Variants in UPK2 observed in about 807,000 individuals in gnomAD.
The protein encoded by UPK2 is uroplakin-2.
Under a neutral mutation model 14.8 loss-of-function variants are expected in UPK2, and 19 were observed. That is an observed-to-expected ratio of 1.29 (90% CI 0.90 to 1.89). The LOEUF (loss-of-function observed/expected upper bound fraction) is 1.89. Among genes scored for constraint, UPK2 ranks in the 40% most tolerant of loss-of-function variants. UPK2 has a pLI of 0.00. For synonymous variants in UPK2, 102 were observed against 101.6 expected, an observed-to-expected ratio of 1.00 and a Z score of -0.02; for missense variants, 232 against 236.0, an observed-to-expected ratio of 0.98 and a Z score of 0.11.
intron 4 of UPK2, among the ~76,000 whole-genome samples, 180 bp downstream of exon 4, chr11:118,957,848 C>T (rs549279930): frequency 6.6e-6 from 1 of 152,342 alleles, no homozygotes; most frequent in East Asian, 1.9e-4. Context: ...CTAAAGGTTC[C>T]TCGTGGGCAG....
chr11:118,958,133 G>A lies in UPK2; in HGVS notation c.455G>A (p.Arg152His), dbSNP rs1366628202. ...GAATCCATTGGGCTGGGTATGGCCC[G>A]CACAGGGGGCATGGTGGTCATCACG... Reference protein sequence around the residue: ...NMESIGLGMARTGGMVVITVL... With the variant: ...NMESIGLGMAHTGGMVVITVL... The change falls in exon 5 of 5, where the codon CGC becomes CAC. Residue 152 changes from arginine to histidine, a missense_variant. Arg to His is a conservative substitution (Grantham distance 29). Transcript: ENST00000264031. This position sits in a 1 kb window ranked among gnomAD's most constrained non-coding sequence, Gnocchi z 4.6. The A allele has an allele frequency of 1.1e-5, 18 of 1,613,818 alleles. No individual in the cohort carries two copies. Among genetic ancestry groups the A allele is most frequent in the Admixed American group, 5.0e-5 (3 of 59,978 alleles).
At position 118,956,699 on chromosome 11, in the gene UPK2, C is replaced by T. The variant is rs967057113; in HGVS notation, c.77-184C>T. ...GCATCCAGGTTCTGGCTCTGGGGAC[C>T]GCTTGGTGGAGGGTGCAGCTTCTGC... On this transcript the variant is annotated intron_variant, in intron 1 of 4. Transcript: ENST00000264031. The surrounding 1 kb of genome is among the most constrained non-coding windows in gnomAD (Gnocchi z 4.1). 2.0e-5 allele frequency among the ~76,000 whole-genome samples: 3 copies of T among 152,152 alleles called. No individual in the cohort carries two copies. The highest frequency in any genetic ancestry group is 2.1e-4 in the South Asian group (1 of 4,836).
chr11:118,956,980 C>T lies in UPK2; in HGVS notation c.174C>T (p.Ala58=), dbSNP rs1396955311. 4.3e-6 allele frequency: 7 copies of T among 1,614,020 alleles called. No individual in the cohort carries two copies. Among genetic ancestry groups the T allele is most frequent in the South Asian group, 1.1e-5 (1 of 91,086 alleles). Residue 58 remains alanine (A), a synonymous_variant, in exon 2 of 5, where the codon GCC becomes GCT. Coordinates refer to ENST00000264031, the MANE Select transcript of UPK2 (RefSeq NM_006760.4). The surrounding 1 kb of genome is among the most constrained non-coding windows in gnomAD (Gnocchi z 4.1). ...CCTGTCACCTCACAGGAGGCAATGC[C>T]ACACTGATGGTCCGGAGAGCCAATG... is the stretch of plus-strand genomic sequence containing the variant. The part of the protein sequence containing the change: ...LPPCHLTGGN[A]TLMVRRANDS...
In UPK2 at chr11:118,956,855, A is replaced by G; in HGVS notation, c.77-28A>G. The G allele has an allele frequency of 1.9e-6, 3 of 1,613,376 alleles. No homozygotes were observed. Among genetic ancestry groups the G allele is most frequent in the Non-Finnish European group, 2.5e-6 (3 of 1,179,712 alleles). On this transcript the variant is annotated intron_variant, in intron 1 of 4. Coordinates refer to ENST00000264031, the MANE Select transcript of UPK2 (RefSeq NM_006760.4). This position sits in a 1 kb window ranked among gnomAD's most constrained non-coding sequence, Gnocchi z 4.1. ...TGTTGGCCAGGAGGGGTCAGTCCCC[A>G]TCGGAGCTCCCTCCTGCCTCCCATC...
chr11:118,958,346 T>C lies in UPK2; in HGVS notation c.*113T>C. The C allele has an allele frequency of 7.9e-7, 1 of 1,265,148 alleles. No individual in the cohort carries two copies. Among genetic ancestry groups the C allele is most frequent in the Non-Finnish European group, 1.1e-6 (1 of 934,794 alleles). 78.4% of individuals were successfully genotyped at this position (1,265,148 alleles called of 1,614,324 possible). ...TGGCTCCCTTGGTGCCCTCGCCTCC[T>C]CCTCCTGCCCTCCTCTCCCCTAGAG... On this transcript the variant is annotated 3_prime_UTR_variant, in exon 5 of 5. Transcript: ENST00000264031. This position sits in a 1 kb window ranked among gnomAD's most constrained non-coding sequence, Gnocchi z 4.6.
rs780953357 is a variant in UPK2 at position 118,957,623 on chromosome 11, A to G, written c.373A>G (p.Thr125Ala). The G allele has an allele frequency of 6.2e-6, 10 of 1,614,014 alleles. No individual in the cohort carries two copies. In the East Asian group the frequency reaches 2.2e-4, roughly 36 times the overall value. The change falls in exon 4 of 5, where the codon ACA (threonine) becomes GCA (alanine). Residue 125 changes from threonine (T) to alanine (A), a missense_variant. By Grantham distance (58) the Thr-to-Ala change is moderately conservative (BLOSUM62 0). Coordinates refer to ENST00000264031, the MANE Select transcript of UPK2 (RefSeq NM_006760.4). Reference sequence around the variant, plus strand: ...CATTTCCTACCTAGTGAAGAAGGGGACAGCCACTGAGTCCAGCAGAGAGAT... The same window carrying G: ...CATTTCCTACCTAGTGAAGAAGGGGGCAGCCACTGAGTCCAGCAGAGAGAT... ...FYISYLVKKGTATESSREIPM... is the reference protein window; with the variant it reads ...FYISYLVKKGAATESSREIPM...
chr11:118,957,838 C>G (rs184817783), intron 4 of UPK2, among the ~76,000 whole-genome samples, 170 bp downstream of exon 4: 1 of 152,364 alleles, frequency 6.6e-6, no homozygotes, highest in Admixed American at 6.5e-5. Flanking sequence ...GCACACTCAG[C>G]TAAAGGTTCC....
intron 4 of UPK2, 109 bp from the exon 5 acceptor site, chr11:118,957,988 G>A: frequency 6.8e-7 from 1 of 1,479,958 alleles, no homozygotes. Context: ...TGGCTGGCTG[G>A]CTGGCTGGTT....
At chr11:118,957,083 C>T (rs1427158715) in intron 2 of UPK2, 69 bp downstream of exon 2, 83 of 1,607,492 alleles carry the variant, frequency 5.2e-5, no homozygotes, top group Middle Eastern at 3.3e-4. Context: ...CCTCTGCACC[C>T]TTTTCCCCAT....
intron 4 of UPK2, 91 bp downstream of exon 4, chr11:118,957,759 T>C: frequency 1.3e-6 from 2 of 1,492,756 alleles, no homozygotes; most frequent in Non-Finnish European, 1.8e-6. Context: ...GGGTTGCCTG[T>C]GCCTCCCCGT....
rs375321604 is a variant in UPK2, at chr11:118,956,929, G to A, written c.123G>A (p.Thr41=). The change falls in exon 2 of 5, where the codon ACG becomes ACA. Residue 41 remains threonine, a synonymous_variant. Coordinates refer to ENST00000264031, the MANE Select transcript of UPK2 (RefSeq NM_006760.4). This position sits in a 1 kb window ranked among gnomAD's most constrained non-coding sequence, Gnocchi z 4.1. ...SLSGLLSPAL[T]ESLLVALPPC... Reference sequence around the variant, plus strand: ...CTGGTCTGCTGTCCCCGGCGCTAACGGAGAGCCTGCTGGTTGCCTTGCCCC... The same window carrying A: ...CTGGTCTGCTGTCCCCGGCGCTAACAGAGAGCCTGCTGGTTGCCTTGCCCC... The A allele has an allele frequency of 1.2e-4, 197 of 1,614,102 alleles. 3 individuals are homozygous for A. The South Asian group carries it at 2.1e-3, about 17-fold the overall frequency.
At chr11:118,957,064 C>G (rs979997646) in intron 2 of UPK2, 50 bp downstream of exon 2, 5 of 1,610,820 alleles carry the variant, frequency 3.1e-6, no homozygotes, top group African/African-American at 1.3e-5. Flanking sequence ...AGACCCCTTC[C>G]TGCGACACCC....
chr11:118,957,048 C>T (rs1375061898), intron 2 of UPK2, 34 bp downstream of exon 2: 1 of 1,612,314 alleles, frequency 6.2e-7, no homozygotes. Flanking sequence ...TCCCTCTAGT[C>T]CCCAAAGACC....
rs138667077 is a variant in UPK2 at position 118,956,970 on chromosome 11, G to A, written c.164G>A (p.Gly55Glu). Reference protein sequence around the residue: ...LVALPPCHLTGGNATLMVRRA... With the variant: ...LVALPPCHLTEGNATLMVRRA... Reference sequence around the variant, plus strand: ...GCCTTGCCCCCCTGTCACCTCACAGGAGGCAATGCCACACTGATGGTCCGG... The same window carrying A: ...GCCTTGCCCCCCTGTCACCTCACAGAAGGCAATGCCACACTGATGGTCCGG... Residue 55 changes from glycine to glutamate, a missense_variant, in exon 2 of 5, where the codon GGA (glycine) becomes GAA (glutamate). By Grantham distance (98) the Gly-to-Glu change is moderately conservative. Coordinates refer to ENST00000264031, the MANE Select transcript of UPK2 (RefSeq NM_006760.4). This position sits in a 1 kb window ranked among gnomAD's most constrained non-coding sequence, Gnocchi z 4.1. The A allele has an allele frequency of 2.5e-6, 4 of 1,613,992 alleles. No individual in the cohort carries two copies. The highest frequency in any genetic ancestry group is 3.4e-6 in the Non-Finnish European group (4 of 1,180,014).
rs780549894 is a variant in UPK2, at chr11:118,956,919, C to T, written c.113C>T (p.Pro38Leu). 9.3e-6 allele frequency: 15 copies of T among 1,613,998 alleles called. No homozygotes were observed. Among genetic ancestry groups the T allele is most frequent in the African/African-American group, 4.0e-5 (3 of 74,902 alleles). ...TCAAGCCTCTCTGGTCTGCTGTCCCCGGCGCTAACGGAGAGCCTGCTGGTT... is the reference window on the plus strand; with the variant it reads ...TCAAGCCTCTCTGGTCTGCTGTCCCTGGCGCTAACGGAGAGCCTGCTGGTT... Reference protein sequence around the residue: ...NISSLSGLLSPALTESLLVAL... With the variant: ...NISSLSGLLSLALTESLLVAL... The change falls in exon 2 of 5, where the codon CCG (proline) becomes CTG (leucine). Residue 38 changes from proline (P) to leucine (L), a missense_variant. By Grantham distance (98) the Pro-to-Leu change is moderately conservative (BLOSUM62 -3). Coordinates refer to ENST00000264031, the MANE Select transcript of UPK2 (RefSeq NM_006760.4). The surrounding 1 kb of genome is among the most constrained non-coding windows in gnomAD (Gnocchi z 4.1).
At chr11:118,957,069 A>T in intron 2 of UPK2, 55 bp downstream of exon 2, 2 of 1,610,102 alleles carry the variant, frequency 1.2e-6, no homozygotes, top group South Asian at 2.2e-5. Flanking sequence ...CCTTCCTGCG[A>T]CACCCTCTGC....
chr11:118,958,104 C>T lies in UPK2; in HGVS notation c.426C>T (p.Asn142=). The stretch of plus-strand genomic sequence containing the variant: ...TCCCCTCTCTTTTGACAGGAAGGAA[C>T]ATGGAATCCATTGGGCTGGGTATGG... ...EIPMSTLPRR[N]MESIGLGMAR... The change falls in exon 5 of 5, where the codon AAC becomes AAT. Residue 142 remains asparagine (N), a synonymous_variant. Transcript: ENST00000264031. The surrounding 1 kb of genome is among the most constrained non-coding windows in gnomAD (Gnocchi z 4.6). The T allele has an allele frequency of 6.2e-7, 1 of 1,612,406 alleles. No homozygotes were observed. The highest frequency in any genetic ancestry group is 8.5e-7 in the Non-Finnish European group (1 of 1,178,832).
At chr11:118,957,436 A>G in intron 3 of UPK2, 90 bp downstream of exon 3, 1 of 1,573,844 alleles carries the variant, frequency 6.4e-7, no homozygotes, top group Admixed American at 1.8e-5. Context: ...GGGCATGAGG[A>G]GAGGGTGAGG....
At chr11:118,957,774 C>G in intron 4 of UPK2, 106 bp downstream of exon 4, 1 of 1,282,016 alleles carries the variant, frequency 7.8e-7, no homozygotes, top group South Asian at 1.3e-5. Flanking sequence ...CCCCGTGCGC[C>G]CTCGGGGCCC....
Sources: gnomAD v4.1 joint callset for allele counts (sites outside exome capture counted in the v4.1 genomes callset) on GRCh38, gnomAD v4.1.1 for gene constraint, Gnocchi (gnomAD v3.1) non-coding constraint, MANE v1.5 for transcripts, NCBI Gene and HGNC (gene_info 2026-07-23, HGNC 2026-07-21) for gene names.